TSTD2: variants seen among roughly 807,000 people sequenced by gnomAD.
TSTD2 encodes thiosulfate sulfurtransferase like domain containing 2, also known as thiosulfate sulfurtransferase/rhodanese-like domain-containing protein 2.
Under a neutral mutation model 47.9 loss-of-function variants are expected in TSTD2, and 37 were observed. The observed-to-expected ratio is 0.77, with a 90% CI of 0.59 to 1.02. The LOEUF (loss-of-function observed/expected upper bound fraction) is 1.02, where lower values mean the gene tolerates loss of function less well. Among genes scored for constraint, TSTD2 ranks in the 50% least tolerant of loss-of-function variants. TSTD2 has a pLI of 0.00. For synonymous variants in TSTD2, 201 were observed against 215.9 expected (o/e 0.93, Z 0.61); for missense variants, 586 against 616.0 (o/e 0.95, Z 0.52).
chr9:97,619,054 T>A (rs1826588476), intron 3 of TSTD2, among the ~76,000 whole-genome samples: 1 of 152,204 alleles, frequency 6.6e-6, no homozygotes, highest in African/African-American at 2.4e-5. Flanking sequence ...AAGGGCCATA[T>A]CTGTATAGCA....
intron 6 of TSTD2, 199 bp downstream of exon 6, chr9:97,610,147 C>T: frequency 7.0e-6 from 3 of 426,040 alleles, no homozygotes; most frequent in Non-Finnish European, 1.3e-5. Context: ...TAAGATAGGT[C>T]ACTCGAAGAG....
chr9:97,607,098 C>G lies in TSTD2; in HGVS notation c.836-837G>C, dbSNP rs558610131. Among the ~76,000 whole-genome samples the G allele has an allele frequency of 7.9e-5, 12 of 152,212 alleles. No individual in the cohort carries two copies. The East Asian group carries it at 2.3e-3, about 29-fold the overall frequency. On this transcript the variant is annotated intron_variant, in intron 6 of 9. Transcript: ENST00000341170. ...GGAGGACCCCTTGAGCCCAAGAGAT[C>G]AAGGCCTCAGTGAGCTATGATCACA...
chr9:97,602,620 A>G lies in TSTD2; in HGVS notation c.1400T>C (p.Val467Ala). 1 of 1,614,200 alleles carries G rather than the reference A, an allele frequency of 6.2e-7. No homozygotes were observed. The highest frequency in any genetic ancestry group is 8.5e-7 in the Non-Finnish European group (1 of 1,180,036). The change falls in exon 10 of 10, where the codon GTT becomes GCT. Residue 467 changes from valine to alanine, a missense_variant. Physicochemically the swap from Val to Ala is moderately conservative, Grantham distance 64. Coordinates refer to ENST00000341170, the MANE Select transcript of TSTD2 (RefSeq NM_139246.5). ...AAAGCTGTCTTGCATAGGGCCTGAA[A>G]CTTTCCTGCTCCCCTTGTCTTGACA... Reference protein sequence around the residue: ...VTCQDKGSRKVSGPMQDSFKE... With the variant: ...VTCQDKGSRKASGPMQDSFKE...
chr9:97,625,952 T>C lies in TSTD2; in HGVS notation c.211A>G (p.Ser71Gly). ...VKTKEVPTKR[S>G]FECKEKLWKC... ...CACAATTTTTCTTTACATTCAAAAC[T>C]CCTTTTTGTTGGAACTTCTTTGGTT... is the stretch of plus-strand genomic sequence containing the variant. Residue 71 changes from serine to glycine, a missense_variant, in exon 3 of 10, where the codon AGT becomes GGT. By Grantham distance (56) the Ser-to-Gly change is moderately conservative (BLOSUM62 0). Coordinates refer to ENST00000341170, the MANE Select transcript of TSTD2 (RefSeq NM_139246.5). The C allele has an allele frequency of 6.2e-7, 1 of 1,613,200 alleles. No individual in the cohort carries two copies. The highest frequency in any genetic ancestry group is 8.5e-7 in the Non-Finnish European group (1 of 1,179,774).
At position 97,631,622 on chromosome 9, in the gene TSTD2, CT is replaced by C. The variant is rs1298578513; in HGVS notation, c.-51+1620del. On this transcript the variant is annotated intron_variant, in intron 1 of 9. Transcript: ENST00000341170. The stretch of plus-strand genomic sequence containing the variant: ...GAGGCTCATGCCTGTAATCTCAGCA[CT>C]TTGGGAGGCCAGGAGTTCAAGACCA... Among the ~76,000 whole-genome samples, 5 of 152,272 alleles carry C rather than the reference CT, an allele frequency of 3.3e-5. No homozygotes were observed. The East Asian group carries it at 7.7e-4, about 24-fold the overall frequency.
chr9:97,616,257 A>C (rs1826539786), intron 4 of TSTD2, among the ~76,000 whole-genome samples: 1 of 152,164 alleles, frequency 6.6e-6, no homozygotes, highest in Non-Finnish European at 1.5e-5. Flanking sequence ...TGAGCAAAGA[A>C]CAGTATCAGA....
At chr9:97,621,866 G>A (rs1296222601) in intron 3 of TSTD2, among the ~76,000 whole-genome samples, 1 of 151,876 alleles carries the variant, frequency 6.6e-6, no homozygotes, top group Admixed American at 6.6e-5. Context: ...CTTTTTTATT[G>A]CCATTTGAAG....
chr9:97,625,984 A>T lies in TSTD2; in HGVS notation c.179T>A (p.Phe60Tyr). 6.2e-7 allele frequency: 1 copy of T among 1,611,244 alleles called. No homozygotes were observed. Among genetic ancestry groups the T allele is most frequent in the Non-Finnish European group, 8.5e-7 (1 of 1,179,104 alleles). The change falls in exon 3 of 10, where the codon TTT becomes TAT. Residue 60 changes from phenylalanine (F) to tyrosine (Y), a missense_variant. Physicochemically the swap from Phe to Tyr is conservative, Grantham distance 22 (BLOSUM62 3). Transcript: ENST00000341170. ...SFAKKKAFAL[F>Y]VKTKEVPTKR... ...TGTTGGAACTTCTTTGGTTTTGACA[A>T]AAAGGGCAAAGGCCTGCAATTAGAT...
intron 3 of TSTD2, among the ~76,000 whole-genome samples, chr9:97,622,063 C>G (rs1389979947): frequency 2.0e-5 from 3 of 151,800 alleles, no homozygotes; most frequent in African/African-American, 7.3e-5. Flanking sequence ...TCAGGCCGGC[C>G]AACACTTAGA....
chr9:97,602,631 C>T lies in TSTD2; in HGVS notation c.1389G>A (p.Gly463=). 1 of 1,614,216 alleles carries T rather than the reference C, an allele frequency of 6.2e-7. No homozygotes were observed. The part of the protein sequence containing the change: ...TACCVTCQDK[G]SRKVSGPMQD... The stretch of plus-strand genomic sequence containing the variant: ...GCATAGGGCCTGAAACTTTCCTGCT[C>T]CCCTTGTCTTGACATGTGACACAAC... Residue 463 remains glycine (G), a synonymous_variant, in exon 10 of 10, where the codon GGG becomes GGA. Coordinates refer to ENST00000341170, the MANE Select transcript of TSTD2 (RefSeq NM_139246.5).
chr9:97,604,948 G>A (rs1216816669), intron 8 of TSTD2, 83 bp from the exon 9 acceptor site: 1 of 1,559,080 alleles, frequency 6.4e-7, no homozygotes, highest in South Asian at 1.2e-5. Flanking sequence ...GCATGGCGAG[G>A]AGTGCTGACG....
chr9:97,625,554 A>T (rs1425399635), intron 3 of TSTD2, 127 bp downstream of exon 3: 2 of 895,826 alleles, frequency 2.2e-6, no homozygotes, highest in Non-Finnish European at 3.4e-6. Context: ...GTTGTTCCAC[A>T]TCCTCATTTC....
chr9:97,606,902 A>G (rs1225916304), intron 6 of TSTD2, among the ~76,000 whole-genome samples: 2 of 148,126 alleles, frequency 1.4e-5, no homozygotes, highest in Non-Finnish European at 2.9e-5. Flanking sequence ...GACATATGAG[A>G]AAGAAAGTAA....
rs1386090439 is a variant in TSTD2, at chr9:97,606,070, T to C, written c.954+73A>G. 12 of 1,144,768 alleles carry C rather than the reference T, an allele frequency of 1.0e-5. No homozygotes were observed. In the East Asian group the frequency reaches 1.9e-4, roughly 18 times the overall value. The allele number at this position is 1,144,768 out of a possible 1,614,324, so 70.9% of individuals were successfully genotyped here. A position where few individuals can be genotyped will look rare whatever the true frequency, so the allele number is the denominator to read the frequency against. On this transcript the variant is annotated intron_variant, in intron 7 of 9. Transcript: ENST00000341170. ...ACAGGTGGGCACACACAAGGTCCCC[T>C]TGGGAAATATACCACACTGTGGGAA...
At chr9:97,632,644 C>T (rs766787956) in intron 1 of TSTD2, among the ~76,000 whole-genome samples, 2 of 152,106 alleles carry the variant, frequency 1.3e-5, no homozygotes, top group Admixed American at 6.5e-5. Flanking sequence ...GTCGGCCTCC[C>T]ATAAGTGTTA....
intron 3 of TSTD2, among the ~76,000 whole-genome samples, chr9:97,623,379 C>T (rs1826670662): frequency 6.6e-6 from 1 of 152,188 alleles, no homozygotes; most frequent in Non-Finnish European, 1.5e-5. Flanking sequence ...TTGTAAATTG[C>T]CCAGTCTTGG....
chr9:97,602,929 A>C (rs2131303547), intron 9 of TSTD2, 162 bp from the exon 10 acceptor site: 3 of 572,752 alleles, frequency 5.2e-6, no homozygotes, highest in South Asian at 3.7e-5. Flanking sequence ...ACTAACCACC[A>C]CCCCCACCAC....
intron 4 of TSTD2, among the ~76,000 whole-genome samples, chr9:97,612,252 G>A (rs754626082): frequency 6.6e-5 from 10 of 152,314 alleles, no homozygotes; most frequent in South Asian, 2.1e-4. Flanking sequence ...TATCACTGAT[G>A]GGCATTAGGT....
chr9:97,628,617 A>T (rs1826759547), intron 1 of TSTD2, among the ~76,000 whole-genome samples: 1 of 152,164 alleles, frequency 6.6e-6, no homozygotes, highest in African/African-American at 2.4e-5. Flanking sequence ...GCTGTGACAG[A>T]TTATATTTTC....
Sources: allele counts gnomAD v4.1 joint callset (sites outside exome capture counted in the v4.1 genomes callset), GRCh38; gene constraint gnomAD v4.1.1; transcripts MANE v1.5; gene names NCBI Gene and HGNC (gene_info 2026-07-23, HGNC 2026-07-21).